The following DRC11 variants were observed in gnomAD, a reference collection of about 807,000 sequenced individuals.
DRC11 encodes the protein IQ and AAA domain-containing protein 1.
chr2:236,337,787 A>G, the DRC11 span, among the ~76,000 whole-genome samples: 58,743 of 151,428 alleles, frequency 0.39, 11,971 homozygotes, highest in African/African-American at 0.49. The surrounding 1 kb of genome is among the most constrained non-coding windows in gnomAD (Gnocchi z 4.9). Flanking sequence ...AAATCATTAC[A>G]CAAGTGGACT....
the DRC11 span, among the ~76,000 whole-genome samples, chr2:236,375,289 G>C: frequency 3.3e-5 from 5 of 152,010 alleles, no homozygotes; most frequent in African/African-American, 1.2e-4. This position sits in a 1 kb window ranked among gnomAD's most constrained non-coding sequence, Gnocchi z 4.2. Context: ...AGTTCAGAAG[G>C]GATGAGAAAT....
chr2:236,459,629 GTATATACGTA>G, the DRC11 span, among the ~76,000 whole-genome samples: 5 of 91,964 alleles, frequency 5.4e-5, no homozygotes, highest in African/African-American at 1.5e-4. Flanking sequence ...ATATACATAC[GTATATACGTA>G]TATACGTATA....
At chr2:236,417,822 TGTG>T in the DRC11 span, among the ~76,000 whole-genome samples, 2 of 151,806 alleles carry the variant, frequency 1.3e-5, no homozygotes, top group African/African-American at 4.8e-5. Context: ...AGTGAGAACA[TGTG>T]GTGTTTGGTT....
chr2:236,368,290 A>G, the DRC11 span: 1 of 1,584,306 alleles, frequency 6.3e-7, no homozygotes, highest in Non-Finnish European at 8.6e-7. Flanking sequence ...GTCCCCAGGT[A>G]GCTGTACTCA....
chr2:236,492,907 T>G, the DRC11 span, among the ~76,000 whole-genome samples: 4 of 152,262 alleles, frequency 2.6e-5, no homozygotes, highest in African/African-American at 7.2e-5. Context: ...AAATGGATTC[T>G]GTTCCTTGCT....
the DRC11 span, among the ~76,000 whole-genome samples, chr2:236,363,221 C>T: frequency 7.9e-4 from 120 of 152,280 alleles, 1 homozygote; most frequent in African/African-American, 2.8e-3. This position sits in a 1 kb window ranked among gnomAD's most constrained non-coding sequence, Gnocchi z 5.6. Flanking sequence ...TTCTTTCAAA[C>T]GCATTCATTT....
the DRC11 span, among the ~76,000 whole-genome samples, chr2:236,404,572 G>T: frequency 2.6e-5 from 4 of 152,222 alleles, no homozygotes; most frequent in African/African-American, 4.8e-5. Flanking sequence ...AATGGTCATG[G>T]TGGAGCCACG....
At chr2:236,308,257 G>A in the DRC11 span, among the ~76,000 whole-genome samples, 1 of 152,390 alleles carries the variant, frequency 6.6e-6, no homozygotes, top group Admixed American at 6.5e-5. This position sits in a 1 kb window ranked among gnomAD's most constrained non-coding sequence, Gnocchi z 6.0. Context: ...CCTTTGGGCA[G>A]TTCCTCTGAT....
At chr2:236,502,209 AC>A in the DRC11 span, among the ~76,000 whole-genome samples, 1 of 152,184 alleles carries the variant, frequency 6.6e-6, no homozygotes, top group Non-Finnish European at 1.5e-5. Flanking sequence ...ATTAATATAA[AC>A]CATTTTTTAA....
At chr2:236,494,347 C>T in the DRC11 span, among the ~76,000 whole-genome samples, 1 of 151,924 alleles carries the variant, frequency 6.6e-6, no homozygotes, top group Non-Finnish European at 1.5e-5. This position sits in a 1 kb window ranked among gnomAD's most constrained non-coding sequence, Gnocchi z 4.2. Context: ...TTTATTTTTA[C>T]CAAAATTACC....
At chr2:236,317,458 G>A in the DRC11 span, among the ~76,000 whole-genome samples, 9 of 152,168 alleles carry the variant, frequency 5.9e-5, no homozygotes, top group East Asian at 1.2e-3. This position sits in a 1 kb window ranked among gnomAD's most constrained non-coding sequence, Gnocchi z 5.4. Context: ...GAAGCCCGAC[G>A]GAAATGAATA....
chr2:236,331,904 C>T, the DRC11 span: 2 of 306,120 alleles, frequency 6.5e-6, no homozygotes, highest in Admixed American at 8.8e-5. The surrounding 1 kb of genome is among the most constrained non-coding windows in gnomAD (Gnocchi z 4.8). Context: ...AAGATGTTGA[C>T]AATCTGTCAA....
the DRC11 span, among the ~76,000 whole-genome samples, chr2:236,433,076 G>T: frequency 2.3e-4 from 35 of 151,824 alleles, no homozygotes; most frequent in African/African-American, 8.2e-4. Flanking sequence ...ATGTATTTGG[G>T]TCTATTTCTT....
At chr2:236,441,192 T>G in the DRC11 span, 1 of 1,065,732 alleles carries the variant, frequency 9.4e-7, no homozygotes, top group Non-Finnish European at 1.4e-6. Context: ...CCCATTTATT[T>G]GCTTATGTTC....
At chr2:236,350,631 A>G in the DRC11 span, among the ~76,000 whole-genome samples, 1 of 152,196 alleles carries the variant, frequency 6.6e-6, no homozygotes, top group African/African-American at 2.4e-5. This position sits in a 1 kb window ranked among gnomAD's most constrained non-coding sequence, Gnocchi z 5.2. Flanking sequence ...TAAGTGCTGG[A>G]GGTGGGAGCG....
chr2:236,333,731 A>G, the DRC11 span, among the ~76,000 whole-genome samples: 1 of 152,212 alleles, frequency 6.6e-6, no homozygotes, highest in Non-Finnish European at 1.5e-5. The surrounding 1 kb of genome is among the most constrained non-coding windows in gnomAD (Gnocchi z 6.0). Context: ...GTGAAGCCAC[A>G]ACAGTCACAA....
At chr2:236,340,427 A>C in the DRC11 span, among the ~76,000 whole-genome samples, 3 of 152,214 alleles carry the variant, frequency 2.0e-5, no homozygotes, top group Non-Finnish European at 4.4e-5. Flanking sequence ...CCTGGCCCTA[A>C]GAACTTTGTG....
chr2:236,420,829 G>T, the DRC11 span, among the ~76,000 whole-genome samples: 1 of 152,052 alleles, frequency 6.6e-6, no homozygotes, highest in Non-Finnish European at 1.5e-5. This position sits in a 1 kb window ranked among gnomAD's most constrained non-coding sequence, Gnocchi z 4.8. Flanking sequence ...AAACAAAACA[G>T]ACAAAGGCTC....
chr2:236,407,314 C>T, the DRC11 span, among the ~76,000 whole-genome samples: 679 of 152,256 alleles, frequency 4.5e-3, 6 homozygotes, highest in African/African-American at 0.015. Flanking sequence ...GTTATGAGTA[C>T]GGTAGTAAGA....
Sources: allele counts gnomAD v4.1 joint callset (sites outside exome capture counted in the v4.1 genomes callset), GRCh38; gene constraint gnomAD v4.1.1; non-coding constraint Gnocchi (gnomAD v3.1); transcripts MANE v1.5; gene names NCBI Gene and HGNC (gene_info 2026-07-23, HGNC 2026-07-21).